Variants in NUBPL observed in about 807,000 individuals in gnomAD.
NUBPL encodes NUBP iron-sulfur cluster assembly factor, mitochondrial.
In NUBPL, 31 loss-of-function variants were observed where a neutral mutation model predicts 45.7. The observed-to-expected ratio is 0.68, with a 90% CI of 0.51 to 0.92. The LOEUF is 0.92. NUBPL is among the 40% of genes least tolerant of loss of function. The pLI is 0.00. For synonymous variants in NUBPL, 144 were observed against 140.9 expected, an observed-to-expected ratio of 1.02 and a Z score of -0.15; for missense variants, 401 against 398.7, an observed-to-expected ratio of 1.01 and a Z score of -0.05.
chr14:31,816,965 A>G (rs1436902861), intron 7 of NUBPL, among the ~76,000 whole-genome samples: 1 of 151,916 alleles, frequency 6.6e-6, no homozygotes, highest in East Asian at 1.9e-4. Flanking sequence ...AACTAGAATA[A>G]CCAGTTTAGA....
intron 6 of NUBPL, among the ~76,000 whole-genome samples, chr14:31,785,473 G>T (rs547945208): frequency 3.3e-5 from 5 of 152,184 alleles, no homozygotes; most frequent in African/African-American, 1.2e-4. Context: ...CACACTCCTT[G>T]TGAAAATCTA....
chr14:31,684,709 C>T (rs1277589004), intron 6 of NUBPL, among the ~76,000 whole-genome samples: 1 of 152,090 alleles, frequency 6.6e-6, no homozygotes, highest in Non-Finnish European at 1.5e-5. Flanking sequence ...TATTAGACCC[C>T]AATTTATCTT....
At chr14:31,856,850 G>A (rs750077809) in intron 10 of NUBPL, among the ~76,000 whole-genome samples, 19 of 152,074 alleles carry the variant, frequency 1.2e-4, no homozygotes, top group Admixed American at 7.2e-4. Flanking sequence ...CCTCCCTCCC[G>A]GCTGCCTTCA....
intron 6 of NUBPL, among the ~76,000 whole-genome samples, chr14:31,749,726 T>C (rs139684223): frequency 5.9e-5 from 9 of 152,324 alleles, no homozygotes; most frequent in African/African-American, 1.7e-4. Context: ...AGCTTCTTCA[T>C]TTGAATGTTT....
chr14:31,574,375 G>A (rs564810102), intron 3 of NUBPL, among the ~76,000 whole-genome samples: 7 of 150,182 alleles, frequency 4.7e-5, no homozygotes, highest in African/African-American at 1.2e-4. Flanking sequence ...GGGGATTCTC[G>A]TACCTCAGCC....
intron 4 of NUBPL, among the ~76,000 whole-genome samples, chr14:31,627,635 G>A (rs1308676586): frequency 6.6e-6 from 1 of 151,702 alleles, no homozygotes; most frequent in Non-Finnish European, 1.5e-5. Context: ...ACGTGGTGGC[G>A]GGCACCTGTA....
intron 6 of NUBPL, among the ~76,000 whole-genome samples, chr14:31,698,928 C>T (rs937065761): frequency 6.6e-6 from 1 of 151,764 alleles, no homozygotes; most frequent in Non-Finnish European, 1.5e-5. Flanking sequence ...GATCTCGGCT[C>T]ACTGCAACCT....
At chr14:31,693,857 C>CTTTTT (rs36082577) in intron 6 of NUBPL, among the ~76,000 whole-genome samples, 58 of 59,126 alleles carry the variant, frequency 9.8e-4, no homozygotes, top group East Asian at 2.8e-3. Context: ...CTTTTCTTTT[C>CTTTTT]TTTTTTTTTT....
chr14:31,687,956 C>A (rs1476669621), intron 6 of NUBPL, among the ~76,000 whole-genome samples: 1 of 152,214 alleles, frequency 6.6e-6, no homozygotes, highest in African/African-American at 2.4e-5. Context: ...GAAGTTGTTG[C>A]TGCAGCTACA....
At chr14:31,638,079 G>T (rs530817129) in intron 4 of NUBPL, among the ~76,000 whole-genome samples, 59 of 151,872 alleles carry the variant, frequency 3.9e-4, no homozygotes, top group African/African-American at 4.6e-4. Flanking sequence ...GAGCATTTAG[G>T]CCATTTACAT....
At chr14:31,851,319 A>G (rs2040535962) in intron 10 of NUBPL, among the ~76,000 whole-genome samples, 1 of 141,824 alleles carries the variant, frequency 7.1e-6, no homozygotes, top group African/African-American at 2.6e-5. Context: ...GCTGTTCTTT[A>G]TATTCTAGTT....
At chr14:31,763,461 C>T (rs1187526380) in intron 6 of NUBPL, among the ~76,000 whole-genome samples, 1 of 151,964 alleles carries the variant, frequency 6.6e-6, no homozygotes, top group Non-Finnish European at 1.5e-5. Context: ...CAATGTAGGT[C>T]TTTTTTTCCC....
chr14:31,759,667 C>T (rs978825264), intron 6 of NUBPL, among the ~76,000 whole-genome samples: 1 of 151,290 alleles, frequency 6.6e-6, no homozygotes, highest in Non-Finnish European at 1.5e-5. Flanking sequence ...AAGCAATGTT[C>T]ATCTAGTAGA....
At chr14:31,763,611 G>A (rs2038857977) in intron 6 of NUBPL, among the ~76,000 whole-genome samples, 1 of 152,088 alleles carries the variant, frequency 6.6e-6, no homozygotes, top group Admixed American at 6.5e-5. Flanking sequence ...TATATTTTTT[G>A]TTTTGATTTA....
At chr14:31,622,077 T>A (rs539335804) in intron 4 of NUBPL, among the ~76,000 whole-genome samples, 2 of 152,214 alleles carry the variant, frequency 1.3e-5, no homozygotes, top group South Asian at 4.2e-4. Flanking sequence ...TTCTTGGGAA[T>A]TGGAGTAAAG....
At chr14:31,605,641 G>T (rs2034564845) in intron 4 of NUBPL, among the ~76,000 whole-genome samples, 1 of 152,168 alleles carries the variant, frequency 6.6e-6, no homozygotes, top group Non-Finnish European at 1.5e-5. Context: ...AAATCAGCTT[G>T]AGCAAATGAC....
chr14:31,565,045 T>G lies in NUBPL; in HGVS notation c.288T>G (p.Asp96Glu). ...VNLALALAAN[D>E]SSKAIGLLDV... ...TTGCACTTGCACTAGCAGCGAACGA[T>G]TCGGTAGGTGTTTATTAATAGAAAT... Residue 96 changes from aspartate (D) to glutamate (E), a missense_variant, in exon 3 of 11, where the codon GAT becomes GAG. By Grantham distance (45) the Asp-to-Glu change is conservative. Coordinates refer to ENST00000281081, the MANE Select transcript of NUBPL (RefSeq NM_025152.3). 1 of 1,538,886 alleles carries G rather than the reference T, an allele frequency of 6.5e-7. No individual in the cohort carries two copies. Among genetic ancestry groups the G allele is most frequent in the Non-Finnish European group, 8.9e-7 (1 of 1,122,402 alleles).
chr14:31,813,426 T>G (rs186970270), intron 7 of NUBPL, among the ~76,000 whole-genome samples: 160 of 147,008 alleles, frequency 1.1e-3, no homozygotes, highest in Non-Finnish European at 2.5e-4. Flanking sequence ...GAACTTGTAT[T>G]CTTTTTTGCT....
intron 4 of NUBPL, among the ~76,000 whole-genome samples, chr14:31,650,732 A>G (rs1277537573): frequency 2.0e-5 from 3 of 152,208 alleles, no homozygotes; most frequent in Non-Finnish European, 4.4e-5. Context: ...TTAAGTTGCT[A>G]TAGAAGAATT....
Sources: gnomAD v4.1 joint callset for allele counts (sites outside exome capture counted in the v4.1 genomes callset) on GRCh38, gnomAD v4.1.1 for gene constraint, MANE v1.5 for transcripts, NCBI Gene and HGNC (gene_info 2026-07-23, HGNC 2026-07-21) for gene names.